SORCS3: variants seen among roughly 807,000 people sequenced by gnomAD.
SORCS3 encodes the protein sortilin related VPS10 domain containing receptor 3.
Under a neutral mutation model 146.3 loss-of-function variants are expected in SORCS3, and 57 were observed. That is an observed-to-expected ratio of 0.39 (90% CI 0.31 to 0.49). The LOEUF is 0.49. Among genes scored for constraint, SORCS3 ranks in the 20% least tolerant of loss-of-function variants. The pLI is 0.92. For missense variants in SORCS3, 1,341 were observed against 1,575.5 expected (o/e 0.85, Z 2.52); for synonymous variants, 653 against 618.5 (o/e 1.06, Z -0.83).
chr10:104,811,828 G>A (rs971377074), intron 1 of SORCS3, among the ~76,000 whole-genome samples: 1 of 152,164 alleles, frequency 6.6e-6, no homozygotes, highest in Non-Finnish European at 1.5e-5. Context: ...AATGATTGAT[G>A]TTTTGAGAAC....
intron 1 of SORCS3, among the ~76,000 whole-genome samples, chr10:104,822,560 G>T (rs115255429): frequency 0.014 from 2,083 of 152,250 alleles, 32 homozygotes; most frequent in African/African-American, 0.036. Flanking sequence ...TTTCTCAGGA[G>T]TTATGTGGAG....
intron 3 of SORCS3, among the ~76,000 whole-genome samples, chr10:104,919,712 G>A (rs1034331679): frequency 1.3e-5 from 2 of 151,934 alleles, no homozygotes; most frequent in African/African-American, 4.8e-5. Context: ...AGAAATTAAT[G>A]TTCATAAGGG....
intron 3 of SORCS3, among the ~76,000 whole-genome samples, chr10:104,965,739 T>C (rs2054822722): frequency 6.6e-6 from 1 of 152,230 alleles, no homozygotes; most frequent in Admixed American, 6.5e-5. Flanking sequence ...GAAATGTCTA[T>C]TCAAGTCCTT....
At chr10:104,815,497 T>C (rs2017787290) in intron 1 of SORCS3, among the ~76,000 whole-genome samples, 1 of 137,282 alleles carries the variant, frequency 7.3e-6, no homozygotes, top group Non-Finnish European at 1.6e-5. Flanking sequence ...TCTTGGAGCA[T>C]AACATTATCG....
chr10:104,843,789 C>CAA (rs2133547988), intron 2 of SORCS3, among the ~76,000 whole-genome samples: 1 of 152,352 alleles, frequency 6.6e-6, no homozygotes, highest in South Asian at 2.1e-4. Context: ...CGGGTCTTAT[C>CAA]AGTCACTGGG....
At chr10:104,737,728 C>G (rs1321584051) in intron 1 of SORCS3, among the ~76,000 whole-genome samples, 2 of 151,802 alleles carry the variant, frequency 1.3e-5, no homozygotes, top group Non-Finnish European at 1.5e-5. Context: ...TGTGGGTTGC[C>G]TGTTCACTCT....
In SORCS3 at chr10:104,755,940, C is replaced by T. The variant is rs377343079; in HGVS notation, c.628-86852C>T. ...TTTAAGTACCCTTAATTACACAAAGCTGTGCACCCAGTTATTGAGTGGAGA... is the reference window on the plus strand; with the variant it reads ...TTTAAGTACCCTTAATTACACAAAGTTGTGCACCCAGTTATTGAGTGGAGA... On this transcript the variant is annotated intron_variant, in intron 1 of 26. Transcript: ENST00000369701. Among the ~76,000 whole-genome samples, 12 of 152,254 alleles carry T rather than the reference C, an allele frequency of 7.9e-5. No individual in the cohort carries two copies. The South Asian group carries it at 2.5e-3, about 32-fold the overall frequency.
At chr10:104,676,506 G>C (rs2015914827) in intron 1 of SORCS3, among the ~76,000 whole-genome samples, 1 of 152,196 alleles carries the variant, frequency 6.6e-6, no homozygotes. Context: ...TGAGGTAAAG[G>C]AGTATGTAAA....
At chr10:104,855,542 G>A (rs901727018) in intron 2 of SORCS3, among the ~76,000 whole-genome samples, 2 of 152,076 alleles carry the variant, frequency 1.3e-5, no homozygotes, top group Non-Finnish European at 2.9e-5. Context: ...TTTGTTAAGT[G>A]TACACTTATT....
At chr10:105,040,926 C>T (rs2055333803) in intron 4 of SORCS3, among the ~76,000 whole-genome samples, 1 of 150,424 alleles carries the variant, frequency 6.6e-6, no homozygotes, top group Non-Finnish European at 1.5e-5. Flanking sequence ...CTATGCAGCA[C>T]CAAGCATCAG....
chr10:104,703,028 A>T (rs2016298621), intron 1 of SORCS3, among the ~76,000 whole-genome samples: 1 of 152,180 alleles, frequency 6.6e-6, no homozygotes, highest in Non-Finnish European at 1.5e-5. Context: ...AAATTTGTTG[A>T]TGTAAGGGAG....
chr10:104,652,633 A>G (rs116395050), intron 1 of SORCS3, among the ~76,000 whole-genome samples: 2 of 152,326 alleles, frequency 1.3e-5, no homozygotes, highest in African/African-American at 4.8e-5. Context: ...ATACCATGGT[A>G]GTAAAAACCC....
At chr10:104,702,226 C>T (rs140535502) in intron 1 of SORCS3, among the ~76,000 whole-genome samples, 1 of 152,290 alleles carries the variant, frequency 6.6e-6, no homozygotes, top group Non-Finnish European at 1.5e-5. Context: ...ATGGTTTCTG[C>T]AGCTGCCATC....
At chr10:105,230,216 C>A (rs2119687985) in intron 20 of SORCS3, among the ~76,000 whole-genome samples, 1 of 152,080 alleles carries the variant, frequency 6.6e-6, no homozygotes, top group Non-Finnish European at 1.5e-5. Flanking sequence ...TCAGGGGAGG[C>A]AGAGCCAGGC....
At chr10:104,653,461 G>T (rs540279714) in intron 1 of SORCS3, among the ~76,000 whole-genome samples, 14 of 151,890 alleles carry the variant, frequency 9.2e-5, no homozygotes, top group Non-Finnish European at 1.8e-4. Flanking sequence ...TTCCTCTGTT[G>T]TGGGCTGCTT....
intron 1 of SORCS3, among the ~76,000 whole-genome samples, chr10:104,708,755 C>T (rs2016378490): frequency 6.6e-6 from 1 of 152,200 alleles, no homozygotes; most frequent in African/African-American, 2.4e-5. Flanking sequence ...TTTAATCTCT[C>T]TTTCCTTTGG....
chr10:104,795,396 T>A (rs761206301), intron 1 of SORCS3, among the ~76,000 whole-genome samples: 5 of 152,248 alleles, frequency 3.3e-5, no homozygotes, highest in Non-Finnish European at 5.9e-5. Flanking sequence ...AATAAGTTAA[T>A]CTTCCTTTAA....
intron 1 of SORCS3, among the ~76,000 whole-genome samples, chr10:104,792,497 C>T (rs764162283): frequency 6.6e-6 from 1 of 152,206 alleles, no homozygotes; most frequent in Non-Finnish European, 1.5e-5. Flanking sequence ...TTTGGTCCTT[C>T]AAGGCAATGA....
chr10:104,970,518 G>A lies in SORCS3; in HGVS notation c.796-6817G>A, dbSNP rs148614007. On this transcript the variant is annotated intron_variant, in intron 3 of 26. Transcript: ENST00000369701. ...GCTTCCTCAGGTTTTCTCAAGGGCA[G>A]CTTGAGTGCTTTGACCCGTTTCCCC... Among the ~76,000 whole-genome samples, 3 of 152,276 alleles carry A rather than the reference G, an allele frequency of 2.0e-5. No individual in the cohort carries two copies. In the East Asian group the frequency reaches 5.8e-4, roughly 29 times the overall value.
Sources: allele counts gnomAD v4.1 joint callset (sites outside exome capture counted in the v4.1 genomes callset), GRCh38; gene constraint gnomAD v4.1.1; transcripts MANE v1.5; gene names NCBI Gene and HGNC (gene_info 2026-07-23, HGNC 2026-07-21).